Variants in HMGCLL1 observed in about 807,000 individuals in gnomAD.
HMGCLL1 encodes the protein 3-hydroxymethyl-3-methylglutaryl-CoA lyase, cytoplasmic.
A neutral mutation model predicts 39.1 loss-of-function variants in HMGCLL1; 36 were observed. The observed-to-expected ratio is 0.92, with a 90% CI of 0.71 to 1.22. The LOEUF is 1.22. Among genes scored for constraint, HMGCLL1 ranks in the 50% most tolerant of loss-of-function variants. HMGCLL1 has a pLI of 0.00. For synonymous variants in HMGCLL1, 149 were observed against 144.0 expected (o/e 1.03, Z -0.25); for missense variants, 451 against 416.5 (o/e 1.08, Z -0.72).
chr6:55,639,234 A>T, the HMGCLL1 span, among the ~76,000 whole-genome samples: 1 of 151,986 alleles, frequency 6.6e-6, no homozygotes, highest in Non-Finnish European at 1.5e-5. Context: ...TAACAAAAAC[A>T]GCATAACCAC....
At chr6:55,453,823 CTAAA>C (rs1487965865) in intron 7 of HMGCLL1, among the ~76,000 whole-genome samples, 1 of 152,100 alleles carries the variant, frequency 6.6e-6, no homozygotes, top group Non-Finnish European at 1.5e-5. Flanking sequence ...AAAATACTGT[CTAAA>C]TGAATGAGGA....
intron 3 of HMGCLL1, among the ~76,000 whole-genome samples, chr6:55,520,398 CA>C (rs1767979256): frequency 6.6e-6 from 1 of 151,126 alleles, no homozygotes; most frequent in Non-Finnish European, 1.5e-5. Flanking sequence ...AAGTAGAATC[CA>C]AAAAAATCAC....
In HMGCLL1 at chr6:55,458,142, G is replaced by A. The variant is rs574894347; in HGVS notation, c.796-18583C>T. On this transcript the variant is annotated intron_variant, in intron 7 of 8. Coordinates refer to ENST00000274901, the MANE Select transcript of HMGCLL1 (RefSeq NM_001042406.2). Reference sequence around the variant, plus strand: ...TGATTTATTACTGTTAAACTCTCATGTTTTTCCTTAAGTCTTTGCTTTTAG... The same window carrying A: ...TGATTTATTACTGTTAAACTCTCATATTTTTCCTTAAGTCTTTGCTTTTAG... Among the ~76,000 whole-genome samples, 15 of 152,178 alleles carry A rather than the reference G, an allele frequency of 9.9e-5. No homozygotes were observed. The South Asian group carries it at 2.3e-3, about 23-fold the overall frequency.
At chr6:55,545,580 A>T (rs7741830) in intron 1 of HMGCLL1, among the ~76,000 whole-genome samples, 1 of 151,886 alleles carries the variant, frequency 6.6e-6, no homozygotes. Flanking sequence ...GCTGGGGCTG[A>T]TATATGCCAA....
intron 7 of HMGCLL1, among the ~76,000 whole-genome samples, chr6:55,477,237 A>AT (rs1381714712): frequency 8.2e-5 from 1 of 12,228 alleles, no homozygotes; most frequent in Non-Finnish European, 1.2e-4. Flanking sequence ...AATATATATT[A>AT]TATTTATATA....
At chr6:55,475,284 T>C (rs948042449) in intron 7 of HMGCLL1, among the ~76,000 whole-genome samples, 1 of 151,600 alleles carries the variant, frequency 6.6e-6, no homozygotes. Context: ...CAGAAAAAGG[T>C]CTTTCTCAAA....
At chr6:55,472,294 A>T (rs535524565) in intron 7 of HMGCLL1, among the ~76,000 whole-genome samples, 1 of 151,686 alleles carries the variant, frequency 6.6e-6, no homozygotes, top group Admixed American at 6.6e-5. Context: ...TGTACCTCAG[A>T]CTTTATCATT....
intron 7 of HMGCLL1, among the ~76,000 whole-genome samples, chr6:55,479,556 C>T (rs1313500882): frequency 6.6e-6 from 1 of 151,534 alleles, no homozygotes; most frequent in Admixed American, 6.6e-5. Context: ...CATAAGTGAT[C>T]TTCATGTAAT....
At chr6:55,496,156 T>G (rs1031828434) in intron 6 of HMGCLL1, among the ~76,000 whole-genome samples, 3 of 152,084 alleles carry the variant, frequency 2.0e-5, no homozygotes, top group African/African-American at 7.2e-5. Flanking sequence ...TATTAAATTT[T>G]TTTTCGGAGA....
chr6:55,589,667 A>C, the HMGCLL1 span, among the ~76,000 whole-genome samples: 12 of 152,218 alleles, frequency 7.9e-5, no homozygotes, highest in Admixed American at 1.3e-4. Context: ...TGTCTCAGCC[A>C]AAAATCTCCT....
At chr6:55,479,840 C>G (rs1372154218) in intron 7 of HMGCLL1, among the ~76,000 whole-genome samples, 1 of 151,656 alleles carries the variant, frequency 6.6e-6, no homozygotes, top group Non-Finnish European at 1.5e-5. Context: ...ACCCACTAAT[C>G]GAATCCAGAA....
chr6:55,464,280 C>T (rs535977946), intron 7 of HMGCLL1, among the ~76,000 whole-genome samples: 344 of 152,130 alleles, frequency 2.3e-3, no homozygotes, highest in Non-Finnish European at 4.3e-3. Context: ...AAATATTAGA[C>T]TCCTAGTTGC....
the HMGCLL1 span, among the ~76,000 whole-genome samples, chr6:55,628,351 G>T: frequency 6.8e-6 from 1 of 147,338 alleles, no homozygotes; most frequent in Admixed American, 7.0e-5. Flanking sequence ...ACCTAGGCTG[G>T]AGCGCAGTGG....
At chr6:55,630,073 A>T in the HMGCLL1 span, among the ~76,000 whole-genome samples, 1 of 152,164 alleles carries the variant, frequency 6.6e-6, no homozygotes, top group Non-Finnish European at 1.5e-5. Flanking sequence ...GCAGATCCAC[A>T]GACAACTTGC....
chr6:55,623,147 T>C, the HMGCLL1 span, among the ~76,000 whole-genome samples: 1 of 152,034 alleles, frequency 6.6e-6, no homozygotes, highest in Non-Finnish European at 1.5e-5. Flanking sequence ...ATTTTTTTCT[T>C]AGCCTGGCTC....
the HMGCLL1 span, among the ~76,000 whole-genome samples, chr6:55,587,095 G>C: frequency 6.6e-6 from 1 of 152,094 alleles, no homozygotes; most frequent in African/African-American, 2.4e-5. Flanking sequence ...TCTAACTGGT[G>C]TGAGATGGTA....
the HMGCLL1 span, among the ~76,000 whole-genome samples, chr6:55,653,616 A>AT: frequency 6.6e-6 from 1 of 152,034 alleles, no homozygotes; most frequent in African/African-American, 2.4e-5. Flanking sequence ...AAGATGAGCA[A>AT]TAGAATTAAT....
At chr6:55,639,745 GATA>G in the HMGCLL1 span, among the ~76,000 whole-genome samples, 2 of 151,992 alleles carry the variant, frequency 1.3e-5, no homozygotes, top group Admixed American at 6.6e-5. Context: ...GGAAAAGAAG[GATA>G]ATGACAATGA....
At chr6:55,616,003 A>C in the HMGCLL1 span, among the ~76,000 whole-genome samples, 1 of 152,130 alleles carries the variant, frequency 6.6e-6, no homozygotes, top group Admixed American at 6.6e-5. Flanking sequence ...TTCCTGGGTA[A>C]AATTTCTTAA....
Sources: gnomAD v4.1 joint callset for allele counts (sites outside exome capture counted in the v4.1 genomes callset) on GRCh38, gnomAD v4.1.1 for gene constraint, MANE v1.5 for transcripts, NCBI Gene and HGNC (gene_info 2026-07-23, HGNC 2026-07-21) for gene names.